CIB4: variants seen among roughly 807,000 people sequenced by gnomAD.
The protein encoded by CIB4 is calcium and integrin binding family member 4, also known as calcium and integrin-binding family member 4.
A neutral mutation model predicts 25.8 loss-of-function variants in CIB4; 25 were observed. The observed-to-expected ratio is 0.97, with a 90% CI of 0.71 to 1.35. CIB4 has a LOEUF of 1.35. Ranked by LOEUF, CIB4 falls within the 40% of genes most tolerant of loss-of-function variation. CIB4 has a pLI of 0.00. For synonymous variants in CIB4, 75 were observed against 81.4 expected, an observed-to-expected ratio of 0.92 and a Z score of 0.42; for missense variants, 235 against 228.2, an observed-to-expected ratio of 1.03 and a Z score of -0.19.
intron 3 of CIB4, among the ~76,000 whole-genome samples, chr2:26,600,071 CAAA>C (rs34881604): frequency 0.01 from 1,159 of 115,570 alleles, 116 homozygotes; most frequent in African/African-American, 0.031. Flanking sequence ...GACTCTGTCT[CAAA>C]AAAAAAAAAA....
chr2:26,598,840 G>A (rs769400100), intron 3 of CIB4, among the ~76,000 whole-genome samples: 3 of 152,160 alleles, frequency 2.0e-5, no homozygotes, highest in Non-Finnish European at 4.4e-5. Context: ...GGCCCTGGTG[G>A]GGCAGCCTCA....
At chr2:26,638,503 C>G (rs1288932949) in intron 2 of CIB4, among the ~76,000 whole-genome samples, 1 of 152,208 alleles carries the variant, frequency 6.6e-6, no homozygotes, top group African/African-American at 2.4e-5. Context: ...ACCCCATGCT[C>G]TCTCCTGGCA....
chr2:26,622,477 G>T (rs1344848839), intron 3 of CIB4, among the ~76,000 whole-genome samples: 1 of 152,196 alleles, frequency 6.6e-6, no homozygotes, highest in Non-Finnish European at 1.5e-5. Flanking sequence ...TAGGATGGGT[G>T]TTGGGGAGGG....
intron 2 of CIB4, among the ~76,000 whole-genome samples, chr2:26,637,651 C>T (rs1249631706): frequency 6.6e-6 from 1 of 152,142 alleles, no homozygotes; most frequent in Non-Finnish European, 1.5e-5. Flanking sequence ...TCACCTGTGT[C>T]CTCTTCATGC....
intron 3 of CIB4, among the ~76,000 whole-genome samples, chr2:26,615,966 G>A (rs1489771378): frequency 2.0e-5 from 3 of 152,204 alleles, no homozygotes; most frequent in Non-Finnish European, 4.4e-5. Context: ...TCCCAGCTCC[G>A]ACTGGCATCA....
chr2:26,601,256 A>G (rs188761621), intron 3 of CIB4, among the ~76,000 whole-genome samples: 5,096 of 137,458 alleles, frequency 0.037, 610 homozygotes, highest in African/African-American at 0.13. Flanking sequence ...ATATATATAT[A>G]TATATATATA....
chr2:26,634,778 G>T (rs910104361), intron 2 of CIB4, among the ~76,000 whole-genome samples: 4 of 152,236 alleles, frequency 2.6e-5, no homozygotes, highest in African/African-American at 4.8e-5. Context: ...ACCTCCAGAG[G>T]TTCTAGGAAG....
rs1669289192 is a variant in CIB4, at chr2:26,625,622, G to A, written c.186+3788C>T. Among the ~76,000 whole-genome samples, 4 of 152,190 alleles carry A rather than the reference G, an allele frequency of 2.6e-5. No homozygotes were observed. The South Asian group carries it at 8.3e-4, about 31-fold the overall frequency. ...CCGCTTCGGCCTCCCAAAGTGCTGG[G>A]ATTACAGGCGTGAGCCACTGTGCCC... is the stretch of plus-strand genomic sequence containing the variant. On this transcript the variant is annotated intron_variant, in intron 3 of 6. Coordinates refer to ENST00000288861, the MANE Select transcript of CIB4 (RefSeq NM_001029881.3).
Position 26,629,402 on chromosome 2 carries a change from G to C in CIB4, c.186+8C>G, listed in dbSNP as rs773196980. 5.1e-6 allele frequency: 8 copies of C among 1,558,954 alleles called. No homozygotes were observed. The highest frequency in any genetic ancestry group is 7.0e-6 in the Non-Finnish European group (8 of 1,147,556). On this transcript the variant is annotated splice_region_variant and intron_variant, in intron 3 of 6. Coordinates refer to ENST00000288861, the MANE Select transcript of CIB4 (RefSeq NM_001029881.3). ...CTGCCCTTGCCCCACCCACCATCCT[G>C]GACTCACCCGCAGAGCTGGCAGGGA... is the stretch of plus-strand genomic sequence containing the variant.
In CIB4 at chr2:26,589,024, T is replaced by C. The variant is rs1030978310; in HGVS notation, c.329-5126A>G. ...CTTCTTCTTCTTCTTCTTCTTCTTC[T>C]TCTTCTTCTTCTTCTTCTTCTTCTT... On this transcript the variant is annotated intron_variant, in intron 4 of 6. Transcript: ENST00000288861. 6.0e-3 allele frequency among the ~76,000 whole-genome samples: 192 copies of C among 32,192 alleles called. 15 individuals are homozygous for C. The highest frequency in any genetic ancestry group is 0.02 in the African/African-American group (162 of 8,078). The allele number at this position is 32,192 out of a possible 152,430, so 21.1% of individuals were successfully genotyped here. A position where few individuals can be genotyped will look rare whatever the true frequency, so the allele number is the denominator to read the frequency against.
At chr2:26,597,122 A>G (rs185523502) in intron 3 of CIB4, among the ~76,000 whole-genome samples, 1 of 152,382 alleles carries the variant, frequency 6.6e-6, no homozygotes, top group East Asian at 1.9e-4. Flanking sequence ...AAAAACGTGT[A>G]TCACCTATAG....
At chr2:26,605,581 T>C (rs1668872805) in intron 3 of CIB4, 3 of 470,742 alleles carry the variant, frequency 6.4e-6, no homozygotes, top group Non-Finnish European at 1.3e-5. Context: ...TTCCTAGTTC[T>C]GGGTCTGAAC....
chr2:26,582,474 C>T (rs1668366024), intron 6 of CIB4, among the ~76,000 whole-genome samples: 1 of 152,184 alleles, frequency 6.6e-6, no homozygotes, highest in African/African-American at 2.4e-5. Context: ...CCCCTGTAAA[C>T]CCCTACCTCC....
chr2:26,608,555 C>A (rs186743370), intron 3 of CIB4, among the ~76,000 whole-genome samples: 6 of 152,294 alleles, frequency 3.9e-5, no homozygotes, highest in African/African-American at 1.4e-4. Context: ...ATCGAACTCC[C>A]AGGGCCACTA....
At chr2:26,621,880 T>C (rs1396615092) in intron 3 of CIB4, among the ~76,000 whole-genome samples, 1 of 152,232 alleles carries the variant, frequency 6.6e-6, no homozygotes, top group Non-Finnish European at 1.5e-5. Context: ...TTCTCACTTC[T>C]AAATGCCTTT....
At chr2:26,608,027 C>A (rs945993252) in intron 3 of CIB4, among the ~76,000 whole-genome samples, 1 of 152,242 alleles carries the variant, frequency 6.6e-6, no homozygotes, top group Non-Finnish European at 1.5e-5. Flanking sequence ...CACCTGAAGT[C>A]AGGAGTTCAA....
rs1231723452 is a variant in CIB4 at position 26,581,355 on chromosome 2, C to T, written c.*8G>A. ...TCGAGGCTGCCATGTCAGGTGTTTG[C>T]CGCTACATCAGCATCCCCAGAAGTG... On this transcript the variant is annotated 3_prime_UTR_variant, in exon 7 of 7. Transcript: ENST00000288861. 3.1e-6 allele frequency: 5 copies of T among 1,612,672 alleles called. No homozygotes were observed. In the South Asian group the frequency reaches 4.4e-5, roughly 14 times the overall value.
chr2:26,617,147 T>TGTGTGTGTGTGTGTGC (rs10665609), intron 3 of CIB4, among the ~76,000 whole-genome samples: 2,235 of 150,440 alleles, frequency 0.015, 70 homozygotes, highest in African/African-American at 0.052. Context: ...TGTGTGTGTG[T>TGTGTGTGTGTGTGTGC]GCACGTGAGC....
At chr2:26,587,944 TG>T (rs1162852278) in intron 4 of CIB4, among the ~76,000 whole-genome samples, 2 of 152,250 alleles carry the variant, frequency 1.3e-5, no homozygotes, top group African/African-American at 4.8e-5. Context: ...GACTTGTCTC[TG>T]TTCCCCATGG....
Sources: gnomAD v4.1 joint callset for allele counts (sites outside exome capture counted in the v4.1 genomes callset) on GRCh38, gnomAD v4.1.1 for gene constraint, MANE v1.5 for transcripts, NCBI Gene and HGNC (gene_info 2026-07-23, HGNC 2026-07-21) for gene names.